Variants in SAE1 observed in about 807,000 individuals in gnomAD.
SAE1 encodes the protein SUMO1 activating enzyme subunit 1, also known as SUMO-activating enzyme subunit 1.
Under a neutral mutation model 40.6 loss-of-function variants are expected in SAE1, and 11 were observed. The ratio of observed to expected loss-of-function variants is 0.27; its 90% CI spans 0.17 to 0.45. The LOEUF is 0.45. Among genes scored for constraint, SAE1 ranks in the 20% least tolerant of loss-of-function variants. SAE1 has a pLI of 1.00. For synonymous variants in SAE1, 155 were observed against 154.3 expected (o/e 1.00, Z -0.03); for missense variants, 373 against 427.3 (o/e 0.87, Z 1.12).
intron 6 of SAE1, among the ~76,000 whole-genome samples, chr19:47,196,968 G>A (rs1475692181): frequency 6.6e-6 from 1 of 151,994 alleles, no homozygotes; most frequent in Non-Finnish European, 1.5e-5. Context: ...GGATCACGAG[G>A]TCAGGAGTTT....
Position 47,204,187 on chromosome 19 carries a change from CTTTTTTTTTTTTT to C in SAE1, c.948+463_948+475del, listed in dbSNP as rs57736880. Among the ~76,000 whole-genome samples the C allele has an allele frequency of 9.7e-5, 8 of 82,126 alleles. No individual in the cohort carries two copies. In the East Asian group the frequency reaches 1.2e-3, roughly 12 times the overall value. The allele number at this position is 82,126 out of a possible 152,430, so 53.9% of individuals were successfully genotyped here. A position where few individuals can be genotyped will look rare whatever the true frequency, so the allele number is the denominator to read the frequency against. ...CATCACCATGACATCAAAGCCCTCC[CTTTTTTTTTTTTT>C]TTTTTTTTTTTTTTTGAGATGGAGT... On this transcript the variant is annotated intron_variant, in intron 8 of 8. Transcript: ENST00000270225.
At chr19:47,169,489 G>A (rs536757166) in intron 5 of SAE1, among the ~76,000 whole-genome samples, 25 of 152,184 alleles carry the variant, frequency 1.6e-4, no homozygotes, top group Non-Finnish European at 2.9e-4. Flanking sequence ...CATGTGATCC[G>A]CCTGCCTCGG....
intron 6 of SAE1, chr19:47,180,448 A>T: frequency 5.6e-6 from 2 of 358,900 alleles, no homozygotes; most frequent in South Asian, 4.2e-5. Context: ...CTATCACCAT[A>T]GTAGTAACAA....
chr19:47,130,941 A>G lies in SAE1; in HGVS notation c.11A>G (p.Lys4Arg). 1 of 1,550,062 alleles carries G rather than the reference A, an allele frequency of 6.5e-7. No individual in the cohort carries two copies. The highest frequency in any genetic ancestry group is 8.7e-7 in the Non-Finnish European group (1 of 1,146,596). ...GGAAGAGCCGGCGCCATGGTGGAGA[A>G]GGAGGAGGCTGGCGGCGGCATTAGC... MVE[K>R]EEAGGGISEE... The change falls in exon 1 of 9, where the codon AAG becomes AGG. Residue 4 changes from lysine to arginine, a missense_variant. This residue lies in a region of SAE1 where 18 missense variants were observed against 18.0 expected (regional missense o/e 1.00). Transcript: ENST00000270225.
intron 5 of SAE1, among the ~76,000 whole-genome samples, chr19:47,163,063 A>G (rs1278616434): frequency 1.3e-5 from 2 of 152,102 alleles, no homozygotes; most frequent in African/African-American, 4.8e-5. Context: ...AAGTTAATGA[A>G]ATGTTAATCC....
chr19:47,153,409 TG>T (rs1323625691), intron 4 of SAE1, among the ~76,000 whole-genome samples: 2 of 152,238 alleles, frequency 1.3e-5, no homozygotes, highest in African/African-American at 4.8e-5. Context: ...ACACTGAGGC[TG>T]CAGAACTTGG....
At chr19:47,190,093 C>T (rs1443232196) in intron 6 of SAE1, among the ~76,000 whole-genome samples, 5 of 152,110 alleles carry the variant, frequency 3.3e-5, no homozygotes, top group East Asian at 1.9e-4. Context: ...GAACCTAAGC[C>T]GAGACACTAG....
intron 4 of SAE1, among the ~76,000 whole-genome samples, chr19:47,153,897 T>G (rs2058303550): frequency 6.6e-6 from 1 of 151,986 alleles, no homozygotes. Flanking sequence ...GTTCAAGCCA[T>G]TCTCCTGCCT....
intron 6 of SAE1, among the ~76,000 whole-genome samples, chr19:47,195,982 C>T (rs1417801568): frequency 6.6e-6 from 1 of 151,122 alleles, no homozygotes; most frequent in Admixed American, 6.6e-5. Flanking sequence ...GATCCTCACG[C>T]CTTGGCCCCC....
chr19:47,142,159 G>A (rs996771393), intron 1 of SAE1, among the ~76,000 whole-genome samples: 11 of 152,072 alleles, frequency 7.2e-5, no homozygotes, highest in Non-Finnish European at 1.2e-4. Context: ...TGAGGCAGGT[G>A]GATCACTTGA....
At chr19:47,131,917 T>C (rs2058146402) in intron 1 of SAE1, among the ~76,000 whole-genome samples, 1 of 151,828 alleles carries the variant, frequency 6.6e-6, no homozygotes, top group Non-Finnish European at 1.5e-5. Context: ...ACGAGACTGG[T>C]CTCGATCTCC....
intron 1 of SAE1, 95 bp downstream of exon 1, chr19:47,131,123 A>C: frequency 1.4e-6 from 2 of 1,434,994 alleles, no homozygotes; most frequent in Non-Finnish European, 1.8e-6. Context: ...GTGTGATTTG[A>C]AGGGAGGAGG....
chr19:47,207,173 G>A (rs1046547556), intron 8 of SAE1, among the ~76,000 whole-genome samples: 2 of 152,166 alleles, frequency 1.3e-5, no homozygotes, highest in African/African-American at 2.4e-5. Flanking sequence ...CTGGGGAGAC[G>A]GAGGTTGCAG....
At chr19:47,174,317 TGTG>T (rs970927243) in intron 6 of SAE1, among the ~76,000 whole-genome samples, 1 of 149,760 alleles carries the variant, frequency 6.7e-6, no homozygotes, top group African/African-American at 2.4e-5. Context: ...TTTTTTTTGG[TGTG>T]GTGAAAAGCA....
chr19:47,133,852 T>G (rs2058162235), intron 1 of SAE1, among the ~76,000 whole-genome samples: 2 of 151,428 alleles, frequency 1.3e-5, no homozygotes, highest in Non-Finnish European at 2.9e-5. Context: ...GTTTCAGATT[T>G]GTTTTTTTTG....
chr19:47,144,303 C>T (rs577249819), intron 2 of SAE1, among the ~76,000 whole-genome samples: 117 of 152,124 alleles, frequency 7.7e-4, no homozygotes, highest in African/African-American at 2.8e-3. Context: ...CACTGCACTC[C>T]AGCCTGGGCA....
rs145737324 is a variant in SAE1, at chr19:47,169,898, G to A, written c.708G>A (p.Thr236=). ...AAGCAAAGGCTGCTCTGAAGCGCAC[G>A]ACCTCCGACTACTTTCTCCTTCAAG... The part of the protein sequence containing the change: ...SEKAKAALKR[T]TSDYFLLQVL... Residue 236 remains threonine (T), a synonymous_variant, in exon 6 of 9, where the codon ACG becomes ACA. Coordinates refer to ENST00000270225, the MANE Select transcript of SAE1 (RefSeq NM_005500.3). 1.2e-5 allele frequency: 20 copies of A among 1,613,830 alleles called. No homozygotes were observed. Among genetic ancestry groups the A allele is most frequent in the Admixed American group, 1.7e-5 (1 of 59,988 alleles).
At chr19:47,148,003 G>C (rs932539663) in intron 2 of SAE1, among the ~76,000 whole-genome samples, 2 of 151,584 alleles carry the variant, frequency 1.3e-5, no homozygotes, top group African/African-American at 4.8e-5. Context: ...CTCGTGATCT[G>C]CCTGCCTTGG....
chr19:47,203,877 C>T (rs1454981912), intron 8 of SAE1, 137 bp downstream of exon 8: 1 of 752,402 alleles, frequency 1.3e-6, no homozygotes, highest in Non-Finnish European at 2.2e-6. Flanking sequence ...TCCCCATTTC[C>T]ACCTCATCCC....
Sources: gnomAD v4.1 joint callset for allele counts (sites outside exome capture counted in the v4.1 genomes callset) on GRCh38, gnomAD v4.1.1 for gene constraint, gnomAD v4.1.1 regional missense constraint, MANE v1.5 for transcripts, NCBI Gene and HGNC (gene_info 2026-07-23, HGNC 2026-07-21) for gene names.